Variants in PPCS observed in about 807,000 individuals in gnomAD.
The protein encoded by PPCS is phosphopantothenoylcysteine synthetase.
In PPCS, 17 loss-of-function variants were observed where a neutral mutation model predicts 24.6. The ratio of observed to expected loss-of-function variants is 0.69; its 90% CI spans 0.47 to 1.04. PPCS has a LOEUF of 1.04. Ranked by LOEUF, PPCS falls within the 50% of genes least tolerant of loss-of-function variation. PPCS has a pLI of 0.00. For missense variants in PPCS, 360 were observed against 402.8 expected (o/e 0.89, Z 0.91); for synonymous variants, 190 against 168.3 (o/e 1.13, Z -1.00).
chr1:42,459,472 A>G (rs1643344255), intron 2 of PPCS, 131 bp from the exon 3 acceptor site: 1 of 832,260 alleles, frequency 1.2e-6, no homozygotes, highest in Admixed American at 2.9e-5. Flanking sequence ...GACTTTTTAA[A>G]CTAAACATTT....
In PPCS at chr1:42,460,015, G is replaced by T; in HGVS notation, c.*89G>T. On this transcript the variant is annotated 3_prime_UTR_variant, in exon 3 of 3. Coordinates refer to ENST00000372561, the MANE Select transcript of PPCS (RefSeq NM_024664.4). ...AAAAACCATGGCTTTCATATGGACA[G>T]ATAAAATGAAAGAAAGGGAAAAGGC... 1 of 1,472,000 alleles carries T rather than the reference G, an allele frequency of 6.8e-7. No homozygotes were observed. The highest frequency in any genetic ancestry group is 8.9e-7 in the Non-Finnish European group (1 of 1,118,406). The allele number at this position is 1,472,000 out of a possible 1,614,324, so 91.2% of individuals were successfully genotyped here.
rs1275084191 is a variant in PPCS at position 42,460,388 on chromosome 1, T to C, written c.*462T>C. 1.0e-6 allele frequency: 1 copy of C among 986,666 alleles called. No homozygotes were observed. Among genetic ancestry groups the C allele is most frequent in the Non-Finnish European group, 1.2e-6 (1 of 830,516 alleles). 61.1% of individuals were successfully genotyped at this position (986,666 alleles called of 1,614,324 possible). A position where few individuals can be genotyped will look rare whatever the true frequency, so the allele number is the denominator to read the frequency against. Reference sequence around the variant, plus strand: ...AAAAAATCAAGTGCAATAAAGTGTGTGTCCAAAAGCTGACACAATGGAAAG... The same window carrying C: ...AAAAAATCAAGTGCAATAAAGTGTGCGTCCAAAAGCTGACACAATGGAAAG... On this transcript the variant is annotated 3_prime_UTR_variant, in exon 3 of 3. Coordinates refer to ENST00000372561, the MANE Select transcript of PPCS (RefSeq NM_024664.4).
At chr1:42,471,340 C>T (rs1643764380) in intron 2 of PPCS, among the ~76,000 whole-genome samples, 1 of 152,188 alleles carries the variant, frequency 6.6e-6, no homozygotes, top group Non-Finnish European at 1.5e-5. Flanking sequence ...GCAAGCAACC[C>T]ACAGTACAGG....
chr1:42,459,194 G>A (rs55894738), intron 2 of PPCS: 28,792 of 138,860 alleles, frequency 0.21, 3,144 homozygotes, highest in East Asian at 0.42. Flanking sequence ...ACAAGGTGTC[G>A]CTCTGTTGCC....
downstream of PPCS, chr1:42,463,633 G>A (rs1643475258): frequency 6.6e-6 from 1 of 152,154 alleles, no homozygotes; most frequent in African/African-American, 2.4e-5. Flanking sequence ...TATTATTAGA[G>A]CGGGCTTAGA....
intron 2 of PPCS, chr1:42,467,923 C>T (rs1360947784): frequency 1.3e-5 from 2 of 152,236 alleles, no homozygotes; most frequent in Non-Finnish European, 1.5e-5. Context: ...TAGTTCTTTT[C>T]AGCCTTGCTG....
At chr1:42,465,211 T>C (rs986713468), downstream of PPCS, among the ~76,000 whole-genome samples, 1 of 152,170 alleles carries the variant, frequency 6.6e-6, no homozygotes, top group African/African-American at 2.4e-5. Flanking sequence ...CTCTGGAGGC[T>C]GAGGTGGGAG....
chr1:42,473,280 A>T, exon 3 of PPCS: 1 of 1,231,438 alleles, frequency 8.1e-7, no homozygotes, highest in Non-Finnish European at 1.0e-6. Context: ...GCTTATAGTG[A>T]AGCACATGGG....
At chr1:42,465,295 AGT>A (rs1643536001), downstream of PPCS, among the ~76,000 whole-genome samples, 2 of 152,168 alleles carry the variant, frequency 1.3e-5, no homozygotes, top group East Asian at 1.9e-4. Flanking sequence ...TGGGCTACAG[AGT>A]GAGACCCTGT....
rs200337358 is a variant in PPCS, at chr1:42,457,257, G to A, written c.519G>A (p.Ala173=). 6.0e-4 allele frequency: 971 copies of A among 1,614,144 alleles called. 3 individuals are homozygous for A. The highest frequency in any genetic ancestry group is 6.7e-4 in the Non-Finnish European group (792 of 1,180,006). Residue 173 remains alanine (A), a synonymous_variant, in exon 2 of 3, where the codon GCG becomes GCA. Transcript: ENST00000372561. ...TGTTTCTCTTTGCAGGCCCTTCTGC[G>A]ATGTTTTACCTGGCTGCGGCTGTGT... ...AQALNPLGPS[A]MFYLAAAVSD...
downstream of PPCS, chr1:42,464,313 A>G (rs892002025): frequency 2.0e-5 from 3 of 152,248 alleles, no homozygotes; most frequent in Non-Finnish European, 4.4e-5. Flanking sequence ...GGCTTACATA[A>G]TGAAAGAAGG....
chr1:42,462,335 C>T (rs1417049709), downstream of PPCS, among the ~76,000 whole-genome samples: 1 of 152,050 alleles, frequency 6.6e-6, no homozygotes, highest in Admixed American at 6.6e-5. Context: ...CAAGGAATGT[C>T]TCCCTGAGTA....
At chr1:42,458,702 A>G (rs1266482923) in intron 2 of PPCS, among the ~76,000 whole-genome samples, 1 of 152,180 alleles carries the variant, frequency 6.6e-6, no homozygotes, top group Non-Finnish European at 1.5e-5. Context: ...ACGCTTTTTA[A>G]TCTCTGGGAT....
At chr1:42,471,685 C>G (rs58903071) in intron 2 of PPCS, among the ~76,000 whole-genome samples, 3 of 151,814 alleles carry the variant, frequency 2.0e-5, no homozygotes. Context: ...TGAAGGAGGT[C>G]GGGGGAACAG....
downstream of PPCS, among the ~76,000 whole-genome samples, chr1:42,465,989 A>AT (rs948228928): frequency 5.8e-4 from 89 of 152,224 alleles, 1 homozygote; most frequent in African/African-American, 2.0e-3. Context: ...TATTTTAAAC[A>AT]TTTTTTACAT....
rs1026923105 is a variant in PPCS, at chr1:42,460,472, C to T, written c.*546C>T. 8.7e-6 allele frequency: 6 copies of T among 689,438 alleles called. No individual in the cohort carries two copies. Among genetic ancestry groups the T allele is most frequent in the Admixed American group, 1.3e-4 (2 of 15,888 alleles). The allele number at this position is 689,438 out of a possible 1,614,324, so 42.7% of individuals were successfully genotyped here. A position where few individuals can be genotyped will look rare whatever the true frequency, so the allele number is the denominator to read the frequency against. The stretch of plus-strand genomic sequence containing the variant: ...AGTAGTAGGAAAGAAGGATACCTCC[C>T]TGAAGATAGATTGTAGAATGGTGAG... On this transcript the variant is annotated 3_prime_UTR_variant, in exon 3 of 3. Transcript: ENST00000372561.
At position 42,460,476 on chromosome 1, in the gene PPCS, A is replaced by C. The variant is rs1643381250; in HGVS notation, c.*550A>C. ...GTAGGAAAGAAGGATACCTCCCTGA[A>C]GATAGATTGTAGAATGGTGAGCTTT... On this transcript the variant is annotated 3_prime_UTR_variant, in exon 3 of 3. Transcript: ENST00000372561. 1 of 675,920 alleles carries C rather than the reference A, an allele frequency of 1.5e-6. No homozygotes were observed. Among genetic ancestry groups the C allele is most frequent in the East Asian group, 1.3e-4 (1 of 7,458 alleles). The allele number at this position is 675,920 out of a possible 1,614,324, so 41.9% of individuals were successfully genotyped here. A position where few individuals can be genotyped will look rare whatever the true frequency, so the allele number is the denominator to read the frequency against.
At chr1:42,464,966 C>G (rs1287009611), downstream of PPCS, among the ~76,000 whole-genome samples, 1 of 152,098 alleles carries the variant, frequency 6.6e-6, no homozygotes, top group Non-Finnish European at 1.5e-5. Flanking sequence ...AGTTCTGCAG[C>G]CTTTTCAATC....
At position 42,457,351 on chromosome 1, in the gene PPCS, G is replaced by A; in HGVS notation, c.612+1G>A. 1 of 1,611,710 alleles carries A rather than the reference G, an allele frequency of 6.2e-7. No homozygotes were observed. The highest frequency in any genetic ancestry group is 1.1e-5 in the South Asian group (1 of 91,030). Reference sequence around the variant, plus strand: ...CCAGTCATCTGGGGGCCCACTGCAGGTGATGGGCGCTTCTCTTCCAGAGAT... The same window carrying A: ...CCAGTCATCTGGGGGCCCACTGCAGATGATGGGCGCTTCTCTTCCAGAGAT... On this transcript the variant is annotated splice_donor_variant, in intron 2 of 2. Transcript: ENST00000372561. LOFTEE classifies it high-confidence loss of function.
Sources: gnomAD v4.1 joint callset for allele counts (sites outside exome capture counted in the v4.1 genomes callset) on GRCh38, gnomAD v4.1.1 for gene constraint, MANE v1.5 for transcripts, NCBI Gene and HGNC (gene_info 2026-07-23, HGNC 2026-07-21) for gene names.